ASCC3: variants seen among roughly 807,000 people sequenced by gnomAD.
ASCC3 encodes the protein ASC-1 complex subunit P200.
In ASCC3, 158 loss-of-function variants were observed where a neutral mutation model predicts 256.3. That is an observed-to-expected ratio of 0.62 (90% CI 0.54 to 0.70). ASCC3 has a LOEUF of 0.70. ASCC3 is among the 30% of genes least tolerant of loss of function. The pLI, the probability that ASCC3 is intolerant of heterozygous loss-of-function variation, is 0.00. For synonymous variants in ASCC3, 948 were observed against 883.4 expected (o/e 1.07, Z -1.30); for missense variants, 2,259 against 2,626.0 (o/e 0.86, Z 3.05).
intron 10 of ASCC3, among the ~76,000 whole-genome samples, chr6:100,747,686 C>A (rs1410776468): frequency 6.6e-6 from 1 of 152,020 alleles, no homozygotes; most frequent in Non-Finnish European, 1.5e-5. Context: ...GTAAACAAAT[C>A]TGTAGTCACA....
chr6:100,805,715 T>C (rs1228395187), intron 5 of ASCC3, 45 bp downstream of exon 5: 1 of 1,595,894 alleles, frequency 6.3e-7, no homozygotes, highest in Admixed American at 1.7e-5. Context: ...TGCTAACCAA[T>C]GAATATTTCC....
intron 10 of ASCC3, 90 bp from the exon 11 acceptor site, chr6:100,725,793 C>G (rs1190981519): frequency 7.4e-7 from 1 of 1,356,152 alleles, no homozygotes; most frequent in Non-Finnish European, 1.0e-6. Context: ...TTTTGGCCAC[C>G]TCTACATAAA....
chr6:100,810,325 C>T (rs1345272262), intron 4 of ASCC3, among the ~76,000 whole-genome samples: 4 of 152,238 alleles, frequency 2.6e-5, no homozygotes, highest in South Asian at 4.1e-4. Flanking sequence ...CTCTTCTCCA[C>T]GGCTTTCTCT....
At position 100,666,913 on chromosome 6, in the gene ASCC3, T is replaced by C. The variant is rs12662704; in HGVS notation, c.2287-4377A>G. 1.3e-3 allele frequency among the ~76,000 whole-genome samples: 197 copies of C among 152,210 alleles called. 2 individuals are homozygous for C. The East Asian group carries it at 0.036, about 28-fold the overall frequency. On this transcript the variant is annotated intron_variant, in intron 14 of 41. Transcript: ENST00000369162. ...ATCAATAAGAAACATGTATTTATCA[T>C]ATATTAGATCCTAGGAATTCAAAGA...
At chr6:100,803,142 C>T (rs868235472) in intron 5 of ASCC3, among the ~76,000 whole-genome samples, 17 of 151,902 alleles carry the variant, frequency 1.1e-4, no homozygotes, top group African/African-American at 4.1e-4. Flanking sequence ...TTAGCAGACA[C>T]CCATTTTAGA....
chr6:100,651,190 A>G (rs887674553), intron 19 of ASCC3, among the ~76,000 whole-genome samples: 2 of 152,046 alleles, frequency 1.3e-5, no homozygotes, highest in East Asian at 1.9e-4. Context: ...TTCACTGTTA[A>G]TAAGATTAAA....
chr6:100,727,767 C>T (rs1010790508), intron 10 of ASCC3, among the ~76,000 whole-genome samples: 5 of 151,856 alleles, frequency 3.3e-5, no homozygotes, highest in African/African-American at 9.7e-5. Flanking sequence ...ATGTTATTAA[C>T]GTGGCTTCAC....
chr6:100,681,747 A>G (rs894185630), intron 13 of ASCC3, among the ~76,000 whole-genome samples: 19 of 148,938 alleles, frequency 1.3e-4, no homozygotes, highest in Non-Finnish European at 2.2e-4. Context: ...AAAAAAAAAA[A>G]GAAAAGAATA....
intron 16 of ASCC3, among the ~76,000 whole-genome samples, chr6:100,658,051 G>T (rs1416133760): frequency 6.6e-6 from 1 of 151,450 alleles, no homozygotes; most frequent in Non-Finnish European, 1.5e-5. Flanking sequence ...AATGGATATG[G>T]TAACAAATAG....
intron 10 of ASCC3, among the ~76,000 whole-genome samples, chr6:100,750,545 G>A (rs1461021555): frequency 8.6e-6 from 1 of 116,554 alleles, no homozygotes; most frequent in East Asian, 2.1e-4. Flanking sequence ...AACACAAGCT[G>A]TATCATAAGA....
chr6:100,821,896 G>A (rs1771066037), intron 4 of ASCC3, among the ~76,000 whole-genome samples: 1 of 151,990 alleles, frequency 6.6e-6, no homozygotes, highest in Admixed American at 6.6e-5. Context: ...GTTTTGCTAA[G>A]TAAAAAAAAC....
chr6:100,826,875 T>C (rs948150052), intron 4 of ASCC3, among the ~76,000 whole-genome samples: 2 of 152,262 alleles, frequency 1.3e-5, no homozygotes, highest in Non-Finnish European at 1.5e-5. Context: ...AGATACTTCC[T>C]AATATTGTAG....
chr6:100,663,271 C>T (rs984270635), intron 14 of ASCC3, among the ~76,000 whole-genome samples: 4 of 151,984 alleles, frequency 2.6e-5, no homozygotes, highest in African/African-American at 9.7e-5. Flanking sequence ...TCTGTGGTTT[C>T]CATTACCTGA....
intron 33 of ASCC3, among the ~76,000 whole-genome samples, chr6:100,604,444 A>T (rs556369163): frequency 6.7e-6 from 1 of 149,728 alleles, no homozygotes; most frequent in East Asian, 1.9e-4. Flanking sequence ...TAGACTACTA[A>T]TTTTTTTTTC....
chr6:100,823,298 C>T (rs953117328), intron 4 of ASCC3, among the ~76,000 whole-genome samples: 3 of 152,136 alleles, frequency 2.0e-5, no homozygotes, highest in Admixed American at 6.5e-5. Context: ...CACTGCTCTA[C>T]GCACAGATAC....
At chr6:100,685,995 C>A (rs1299497915) in intron 13 of ASCC3, among the ~76,000 whole-genome samples, 1 of 152,186 alleles carries the variant, frequency 6.6e-6, no homozygotes, top group Non-Finnish European at 1.5e-5. Flanking sequence ...AGTTATCTGA[C>A]TTCTCAATAG....
intron 30 of ASCC3, among the ~76,000 whole-genome samples, chr6:100,609,990 G>A (rs1338393867): frequency 3.3e-5 from 5 of 152,108 alleles, no homozygotes; most frequent in African/African-American, 1.2e-4. Context: ...ATAACATAAG[G>A]CACAGCATAA....
At chr6:100,787,938 T>TAA (rs1290269657) in intron 8 of ASCC3, among the ~76,000 whole-genome samples, 1 of 151,528 alleles carries the variant, frequency 6.6e-6, no homozygotes, top group Non-Finnish European at 1.5e-5. Context: ...ATTGCTTACA[T>TAA]ATGACCAAAA....
At chr6:100,706,903 T>A (rs1194985725) in intron 13 of ASCC3, among the ~76,000 whole-genome samples, 1 of 152,132 alleles carries the variant, frequency 6.6e-6, no homozygotes, top group African/African-American at 2.4e-5. Flanking sequence ...TAAGTTGAGA[T>A]GATTGCATTA....
Sources: gnomAD v4.1 joint callset for allele counts (sites outside exome capture counted in the v4.1 genomes callset) on GRCh38, gnomAD v4.1.1 for gene constraint, MANE v1.5 for transcripts, NCBI Gene and HGNC (gene_info 2026-07-23, HGNC 2026-07-21) for gene names.